LRMDA: variants seen among roughly 807,000 people sequenced by gnomAD.
The protein encoded by LRMDA is leucine rich melanocyte differentiation associated.
In LRMDA, 18 loss-of-function variants were observed where a neutral mutation model predicts 29.8. The ratio of observed to expected loss-of-function variants is 0.60; its 90% CI spans 0.42 to 0.90. The LOEUF is 0.90. Ranked by LOEUF, LRMDA falls within the 40% of genes least tolerant of loss-of-function variation. The probability of loss-of-function intolerance (pLI) is 0.00; values close to 1 mark genes in which losing one functional copy is unlikely to be tolerated. For synonymous variants in LRMDA, 125 were observed against 109.4 expected (o/e 1.14, Z -0.89); for missense variants, 273 against 273.9 (o/e 1.00, Z 0.02).
chr10:75,776,862 C>T (rs1428458402), intron 2 of LRMDA, among the ~76,000 whole-genome samples: 1 of 152,234 alleles, frequency 6.6e-6, no homozygotes, highest in Admixed American at 6.5e-5. Context: ...GCCGTGCTGT[C>T]AACCCCTGAA....
intron 2 of LRMDA, among the ~76,000 whole-genome samples, chr10:75,870,032 G>A (rs1349824382): frequency 4.6e-5 from 7 of 152,144 alleles, no homozygotes; most frequent in African/African-American, 1.7e-4. Flanking sequence ...CTGGGGCTGT[G>A]GGTGATAACT....
intron 6 of LRMDA, among the ~76,000 whole-genome samples, chr10:76,363,844 G>C (rs1169828849): frequency 2.6e-5 from 4 of 152,128 alleles, no homozygotes; most frequent in Non-Finnish European, 5.9e-5. Flanking sequence ...TATATAAAAT[G>C]TTCCCAAAGA....
At chr10:76,106,126 T>C (rs1170577027) in intron 5 of LRMDA, among the ~76,000 whole-genome samples, 1 of 152,204 alleles carries the variant, frequency 6.6e-6, no homozygotes. Flanking sequence ...TAGTGCCCAA[T>C]AAGCATGTGC....
At chr10:75,843,078 A>G (rs960669264) in intron 2 of LRMDA, among the ~76,000 whole-genome samples, 18 of 152,210 alleles carry the variant, frequency 1.2e-4, no homozygotes, top group African/African-American at 4.1e-4. Flanking sequence ...ACTAGAGCAC[A>G]AGCTCTTTGA....
intron 5 of LRMDA, among the ~76,000 whole-genome samples, chr10:76,187,273 A>G (rs1851166853): frequency 6.6e-6 from 1 of 152,224 alleles, no homozygotes; most frequent in Non-Finnish European, 1.5e-5. Flanking sequence ...AAGGATATTA[A>G]GAAAATGTCC....
At chr10:76,231,267 T>C (rs1353811910) in intron 5 of LRMDA, among the ~76,000 whole-genome samples, 1 of 152,242 alleles carries the variant, frequency 6.6e-6, no homozygotes, top group Non-Finnish European at 1.5e-5. Context: ...TAACTATGGC[T>C]GTAATTAAAG....
chr10:76,281,172 G>C (rs1196535976), intron 5 of LRMDA, among the ~76,000 whole-genome samples: 1 of 152,134 alleles, frequency 6.6e-6, no homozygotes, highest in East Asian at 1.9e-4. Context: ...AAGAGCAAAG[G>C]TCTTTTCTAG....
Position 76,314,449 on chromosome 10 carries a change from A to G in LRMDA, c.517-9952A>G, listed in dbSNP as rs147937908. Reference sequence around the variant, plus strand: ...TTAAGTTTAGCAAATAAGCACACCAATGAATCAAGCTCTCACTTGCAGCAT... The same window carrying G: ...TTAAGTTTAGCAAATAAGCACACCAGTGAATCAAGCTCTCACTTGCAGCAT... On this transcript the variant is annotated intron_variant, in intron 5 of 6. Coordinates refer to ENST00000611255, the MANE Select transcript of LRMDA (RefSeq NM_001305581.2). 1.9e-3 allele frequency among the ~76,000 whole-genome samples: 297 copies of G among 152,326 alleles called. 2 individuals are homozygous for G. Among genetic ancestry groups the G allele is most frequent in the African/African-American group, 6.4e-3 (267 of 41,566 alleles).
chr10:76,316,483 G>A (rs1840701198), intron 5 of LRMDA, among the ~76,000 whole-genome samples: 1 of 152,220 alleles, frequency 6.6e-6, no homozygotes, highest in Non-Finnish European at 1.5e-5. Flanking sequence ...GGTAGTGCCA[G>A]CTGAGCGCAG....
intron 5 of LRMDA, among the ~76,000 whole-genome samples, chr10:76,253,735 ATT>A (rs745466650): frequency 1.3e-5 from 2 of 152,012 alleles, no homozygotes; most frequent in Non-Finnish European, 1.5e-5. Flanking sequence ...TTTTATCTGT[ATT>A]TTTTCAAATA....
At chr10:76,292,334 C>G (rs1007723387) in intron 5 of LRMDA, among the ~76,000 whole-genome samples, 17 of 152,216 alleles carry the variant, frequency 1.1e-4, no homozygotes, top group African/African-American at 3.6e-4. Context: ...CATCAGATCA[C>G]TTGCACAACC....
At chr10:75,848,989 C>G (rs1470048698) in intron 2 of LRMDA, among the ~76,000 whole-genome samples, 1 of 152,148 alleles carries the variant, frequency 6.6e-6, no homozygotes, top group Non-Finnish European at 1.5e-5. Flanking sequence ...TGTCAGGAGA[C>G]TGGAAGGTGG....
chr10:75,905,330 G>C (rs769034651), intron 2 of LRMDA, among the ~76,000 whole-genome samples: 2 of 145,312 alleles, frequency 1.4e-5, no homozygotes, highest in East Asian at 4.0e-4. Context: ...TTTTTAAAAA[G>C]ATTCTCCCTA....
intron 6 of LRMDA, among the ~76,000 whole-genome samples, chr10:76,362,069 G>C (rs1841319568): frequency 6.6e-6 from 1 of 152,188 alleles, no homozygotes; most frequent in Non-Finnish European, 1.5e-5. Context: ...GGACCGGAGA[G>C]GCTCCTAACC....
At chr10:75,734,176 A>G (rs1165148985) in intron 2 of LRMDA, among the ~76,000 whole-genome samples, 7 of 152,136 alleles carry the variant, frequency 4.6e-5, no homozygotes, top group Non-Finnish European at 1.0e-4. Flanking sequence ...TTCAAGTGTT[A>G]TATGTGGTTT....
chr10:75,488,644 A>G (rs1844945813), intron 2 of LRMDA, among the ~76,000 whole-genome samples: 1 of 152,158 alleles, frequency 6.6e-6, no homozygotes. Context: ...GGCCCTAAGT[A>G]AGCAAGAGGC....
chr10:75,588,959 T>C (rs1840688857), intron 2 of LRMDA, among the ~76,000 whole-genome samples: 1 of 152,194 alleles, frequency 6.6e-6, no homozygotes, highest in Non-Finnish European at 1.5e-5. Context: ...ATTTTATAGG[T>C]ATATAGTGTT....
At chr10:76,122,337 T>G (rs1186857397) in intron 5 of LRMDA, among the ~76,000 whole-genome samples, 1 of 151,886 alleles carries the variant, frequency 6.6e-6, no homozygotes, top group Admixed American at 6.6e-5. Flanking sequence ...CAGCAGCCCT[T>G]TTAAACCCAT....
intron 2 of LRMDA, among the ~76,000 whole-genome samples, chr10:75,943,164 C>CAA (rs59276408): frequency 8.4e-5 from 8 of 95,354 alleles, no homozygotes; most frequent in East Asian, 2.9e-4. Flanking sequence ...ATGTTTTCAG[C>CAA]AAAAAAAAAA....
Sources: gnomAD v4.1 joint callset for allele counts (sites outside exome capture counted in the v4.1 genomes callset) on GRCh38, gnomAD v4.1.1 for gene constraint, MANE v1.5 for transcripts, NCBI Gene and HGNC (gene_info 2026-07-23, HGNC 2026-07-21) for gene names.